The following KIDINS220 variants were observed in gnomAD, a reference collection of about 807,000 sequenced individuals.
KIDINS220 encodes kinase D interacting substrate 220, also known as kinase D-interacting substrate of 220 kDa.
A neutral mutation model predicts 157.6 loss-of-function variants in KIDINS220; 63 were observed. The ratio of observed to expected loss-of-function variants is 0.40; its 90% CI spans 0.33 to 0.49. The LOEUF (loss-of-function observed/expected upper bound fraction) is 0.49. Among genes scored for constraint, KIDINS220 ranks in the 20% least tolerant of loss-of-function variants. The pLI is 0.66. For synonymous variants in KIDINS220, 732 were observed against 783.6 expected (o/e 0.93, Z 1.10); for missense variants, 1,772 against 2,171.2 (o/e 0.82, Z 3.65).
rs748493511 is a variant in KIDINS220 at position 8,812,482 on chromosome 2, G to A, written c.417C>T (p.Tyr139=). The change falls in exon 6 of 30, where the codon TAC becomes TAT. Residue 139 remains tyrosine, a synonymous_variant. Transcript: ENST00000256707. The part of the protein sequence containing the change: ...NPSVTGLYSV[Y]PIIWAAGRGH... Reference sequence around the variant, plus strand: ...CTCTCCCTGCTGCCCAAATGATTGGGTAAACACTGTACTGCTAGGATAGAT... The same window carrying A: ...CTCTCCCTGCTGCCCAAATGATTGGATAAACACTGTACTGCTAGGATAGAT... 7.6e-6 allele frequency: 12 copies of A among 1,588,264 alleles called. No homozygotes were observed. The African/African-American group carries it at 9.5e-5, about 13-fold the overall frequency.
chr2:8,830,522 G>A (rs760912516), intron 1 of KIDINS220, among the ~76,000 whole-genome samples: 3 of 152,144 alleles, frequency 2.0e-5, no homozygotes, highest in African/African-American at 4.8e-5. Flanking sequence ...GGGCTCAAGC[G>A]ATCCTCCCAC....
At chr2:8,826,880 T>C in intron 2 of KIDINS220, 106 bp downstream of exon 2, 1 of 567,870 alleles carries the variant, frequency 1.8e-6, no homozygotes, top group Non-Finnish European at 3.2e-6. Context: ...CAGTGCAGTA[T>C]TACTAAGGGT....
rs768490849 is a variant in KIDINS220 at position 8,747,901 on chromosome 2, G to T, written c.3514C>A (p.Gln1172Lys). ...TATATACTTACTAGGCCATTGTTCT[G>T]ATCTCTGGGCAAACTCGTTTTTACT... ...PSVKTSLPRD[Q>K]NNGLEVIKED... The change falls in exon 25 of 30, where the codon CAG becomes AAG. Residue 1172 changes from glutamine (Q) to lysine (K), a missense_variant. This residue lies in a region of KIDINS220 where 793 missense variants were observed against 885.5 expected (regional missense o/e 0.90). Transcript: ENST00000256707. 3.7e-6 allele frequency: 6 copies of T among 1,600,274 alleles called. No homozygotes were observed. The African/African-American group carries it at 6.7e-5, about 18-fold the overall frequency.
intron 8 of KIDINS220, among the ~76,000 whole-genome samples, chr2:8,802,643 CAAA>C (rs1227857862): frequency 6.6e-6 from 1 of 152,072 alleles, no homozygotes; most frequent in African/African-American, 2.4e-5. Context: ...AGTGTGAGCT[CAAA>C]GAAGTTAGGG....
rs1558475669 is a variant in KIDINS220, at chr2:8,813,320, G to A, written c.322C>T (p.Leu108Phe). The A allele has an allele frequency of 2.5e-6, 4 of 1,612,256 alleles. No homozygotes were observed. Among genetic ancestry groups the A allele is most frequent in the East Asian group, 4.5e-5 (2 of 44,768 alleles). Residue 108 changes from leucine to phenylalanine, a missense_variant, in exon 5 of 30, where the codon CTT (leucine) becomes TTT (phenylalanine). By Grantham distance (22) the Leu-to-Phe change is conservative (BLOSUM62 0). Transcript: ENST00000256707. ...CGGCCTTTGTAACATGCCCACATAA[G>A]AGCTGTCCATCCTCCCTAAACAAAA... ...EHRDMGGWTA[L>F]MWACYKGRTD...
chr2:8,805,686 G>T (rs1675346647), intron 7 of KIDINS220, among the ~76,000 whole-genome samples: 1 of 152,110 alleles, frequency 6.6e-6, no homozygotes, highest in Admixed American at 6.5e-5. Context: ...AGCACATTTT[G>T]ATTAATGACA....
At chr2:8,746,860 CT>C (rs1025073795) in intron 26 of KIDINS220, 18 of 372,860 alleles carry the variant, frequency 4.8e-5, no homozygotes, top group African/African-American at 3.1e-4. Context: ...CGGAACACCC[CT>C]GACAGCTGAT....
intron 27 of KIDINS220, among the ~76,000 whole-genome samples, chr2:8,735,040 C>G (rs1255981249): frequency 2.0e-5 from 3 of 152,160 alleles, no homozygotes; most frequent in Admixed American, 2.0e-4. Context: ...TGAGCAACAA[C>G]AAAACTGTTA....
intron 20 of KIDINS220, 24 bp from the exon 21 acceptor site, chr2:8,776,916 G>A: frequency 1.2e-6 from 2 of 1,611,232 alleles, no homozygotes; most frequent in Non-Finnish European, 1.7e-6. Context: ...TCGTCAGTGA[G>A]AAGGAACCCA....
intron 17 of KIDINS220, among the ~76,000 whole-genome samples, chr2:8,784,189 CAAA>C (rs796082514): frequency 1.9e-5 from 2 of 103,426 alleles, no homozygotes; most frequent in Non-Finnish European, 2.2e-5. Flanking sequence ...CAACTGGAAA[CAAA>C]AAAAAAAAAA....
At chr2:8,788,289 A>G (rs1336446627) in intron 15 of KIDINS220, among the ~76,000 whole-genome samples, 1 of 149,510 alleles carries the variant, frequency 6.7e-6, no homozygotes, top group Non-Finnish European at 1.5e-5. Context: ...TTTTTTTGAG[A>G]CAGAGTTTCG....
intron 6 of KIDINS220, 45 bp downstream of exon 6, chr2:8,812,350 T>C (rs372865465): frequency 2.1e-6 from 2 of 973,086 alleles, no homozygotes. Flanking sequence ...AGACACTGAG[T>C]GGACATAACA....
intron 26 of KIDINS220, among the ~76,000 whole-genome samples, chr2:8,744,042 G>A (rs1666000167): frequency 1.4e-5 from 2 of 146,936 alleles, no homozygotes; most frequent in South Asian, 4.2e-4. Flanking sequence ...ACAGAAGTGA[G>A]GATTTGTTTT....
chr2:8,779,284 C>A, intron 18 of KIDINS220, 145 bp from the exon 19 acceptor site: 1 of 1,021,586 alleles, frequency 9.8e-7, no homozygotes, highest in Non-Finnish European at 1.4e-6. Flanking sequence ...TGCACAAAAG[C>A]AAATTTTACT....
intron 18 of KIDINS220, 150 bp downstream of exon 18, chr2:8,779,524 G>T: frequency 1.3e-6 from 1 of 758,138 alleles, no homozygotes; most frequent in Non-Finnish European, 2.1e-6. Context: ...TCTGTATAAA[G>T]AATGGTTGTT....
intron 12 of KIDINS220, among the ~76,000 whole-genome samples, chr2:8,793,319 C>A (rs778171764): frequency 1.3e-5 from 2 of 152,044 alleles, no homozygotes; most frequent in African/African-American, 2.4e-5. Flanking sequence ...CATGGCAAGA[C>A]CTCGTCTCTA....
chr2:8,788,867 T>C, intron 14 of KIDINS220, 55 bp from the exon 15 acceptor site: 1 of 1,504,182 alleles, frequency 6.6e-7, no homozygotes, highest in Non-Finnish European at 9.1e-7. Flanking sequence ...CAAGCAGATC[T>C]TTTCTCCAAA....
Position 8,747,181 on chromosome 2 carries a change from A to G in KIDINS220, c.3549T>C (p.Ala1183=). ...NNGLEVIKED[A]AEGLSSPTDS... is the part of the protein sequence containing the mutation. ...CTGTGGGTGAAGAAAGCCCCTCAGC[A>G]GCATCCTCCTTGATAACTTCCTAAC... Residue 1183 remains alanine (A), a synonymous_variant, in exon 26 of 30, where the codon GCT becomes GCC. Transcript: ENST00000256707. The G allele has an allele frequency of 6.2e-7, 1 of 1,614,196 alleles. No homozygotes were observed. Among genetic ancestry groups the G allele is most frequent in the Non-Finnish European group, 8.5e-7 (1 of 1,180,042 alleles).
At chr2:8,721,153 A>G (rs560446855), downstream of KIDINS220, 3 of 152,294 alleles carry the variant, frequency 2.0e-5, no homozygotes, top group African/African-American at 7.2e-5. Context: ...AAATGTATAT[A>G]TTACTTATAT....
Sources: allele counts gnomAD v4.1 joint callset (sites outside exome capture counted in the v4.1 genomes callset), GRCh38; gene constraint gnomAD v4.1.1; regional missense constraint gnomAD v4.1.1; transcripts MANE v1.5; gene names NCBI Gene and HGNC (gene_info 2026-07-23, HGNC 2026-07-21).